Variants in SMAD9 observed in about 807,000 individuals in gnomAD.
SMAD9 encodes SMAD family member 9.
Under a neutral mutation model 46.1 loss-of-function variants are expected in SMAD9, and 36 were observed. The ratio of observed to expected loss-of-function variants is 0.78; its 90% CI spans 0.60 to 1.03. The LOEUF is 1.03. Ranked by LOEUF, SMAD9 falls within the 50% of genes least tolerant of loss-of-function variation. The pLI is 0.00. For synonymous variants in SMAD9, 245 were observed against 237.1 expected, an observed-to-expected ratio of 1.03 and a Z score of -0.31; for missense variants, 572 against 599.8, an observed-to-expected ratio of 0.95 and a Z score of 0.48.
At chr13:36,851,446 TC>T (rs1324710392) in intron 6 of SMAD9, among the ~76,000 whole-genome samples, 1 of 152,136 alleles carries the variant, frequency 6.6e-6, no homozygotes, top group Non-Finnish European at 1.5e-5. Flanking sequence ...GTGCTCCAAT[TC>T]CCTTCACCCT....
intron 1 of SMAD9, among the ~76,000 whole-genome samples, chr13:36,917,479 T>C (rs1394815950): frequency 6.6e-6 from 1 of 152,064 alleles, no homozygotes; most frequent in Non-Finnish European, 1.5e-5. Context: ...CAGCCTAGAA[T>C]TACAACTATT....
At chr13:36,912,098 A>G (rs2058666585) in intron 1 of SMAD9, among the ~76,000 whole-genome samples, 2 of 152,188 alleles carry the variant, frequency 1.3e-5, no homozygotes, top group African/African-American at 2.4e-5. Flanking sequence ...GGCCATTTAA[A>G]AGCATGCAAA....
intron 1 of SMAD9, among the ~76,000 whole-genome samples, chr13:36,908,102 G>C (rs1482545213): frequency 2.0e-5 from 3 of 152,160 alleles, no homozygotes; most frequent in African/African-American, 7.2e-5. Context: ...TGATGGTGGT[G>C]GTTTTGAGGG....
chr13:36,906,417 T>C (rs911792357), intron 1 of SMAD9, among the ~76,000 whole-genome samples: 3 of 152,082 alleles, frequency 2.0e-5, no homozygotes, highest in Non-Finnish European at 4.4e-5. Context: ...AATACCTCAC[T>C]AAAAACCATA....
At chr13:36,904,373 G>A (rs1030185910) in intron 1 of SMAD9, among the ~76,000 whole-genome samples, 3 of 152,130 alleles carry the variant, frequency 2.0e-5, no homozygotes, top group East Asian at 3.8e-4. Context: ...ATTGCACGGC[G>A]CTGGGATTTG....
At chr13:36,853,235 A>G (rs1025074676) in intron 6 of SMAD9, among the ~76,000 whole-genome samples, 184 bp downstream of exon 6, 1 of 152,218 alleles carries the variant, frequency 6.6e-6, no homozygotes, top group Non-Finnish European at 1.5e-5. Context: ...CAGTGAGCCA[A>G]GATCATGCCA....
Position 36,911,967 on chromosome 13 carries a change from C to T in SMAD9, c.-187+8149G>A, listed in dbSNP as rs112103372. ...AGGTTATCCGCCCACCTCAGCCTCC[C>T]GAAGTGCTGGGATTGCAGGTGTGAG... On this transcript the variant is annotated intron_variant, in intron 1 of 6. Coordinates refer to ENST00000379826, the MANE Select transcript of SMAD9 (RefSeq NM_001127217.3). Among the ~76,000 whole-genome samples the T allele has an allele frequency of 1.0e-3, 154 of 152,270 alleles. 1 individual carries two copies. The highest frequency in any genetic ancestry group is 3.4e-3 in the African/African-American group (140 of 41,552).
At chr13:36,878,979 T>C (rs527408131) in intron 2 of SMAD9, among the ~76,000 whole-genome samples, 8 of 152,332 alleles carry the variant, frequency 5.3e-5, no homozygotes, top group African/African-American at 1.9e-4. Flanking sequence ...GACTAGTTTA[T>C]CTTCATTCCT....
intron 3 of SMAD9, among the ~76,000 whole-genome samples, chr13:36,869,333 G>A (rs1163779126): frequency 6.6e-6 from 1 of 151,530 alleles, no homozygotes; most frequent in Non-Finnish European, 1.5e-5. Context: ...AGCGATTCTC[G>A]TGCCTCAGTC....
At chr13:36,850,275 A>C (rs1044828441) in intron 6 of SMAD9, among the ~76,000 whole-genome samples, 1 of 151,776 alleles carries the variant, frequency 6.6e-6, no homozygotes, top group Non-Finnish European at 1.5e-5. Context: ...TTACTACCTC[A>C]CTGGTTGGTC....
chr13:36,879,253 C>A (rs2058376925), intron 2 of SMAD9, 25 bp downstream of exon 2: 2 of 1,609,064 alleles, frequency 1.2e-6, no homozygotes, highest in Admixed American at 1.7e-5. Flanking sequence ...TGAAAATAAA[C>A]CTTGACGTCG....
chr13:36,888,311 G>A (rs565983985), intron 1 of SMAD9, among the ~76,000 whole-genome samples: 5 of 152,068 alleles, frequency 3.3e-5, no homozygotes, highest in South Asian at 2.1e-4. Context: ...TAAGTGTCTC[G>A]CACTTCCCCC....
In SMAD9 at chr13:36,849,275, T is replaced by TTC. The variant is rs10555873; in HGVS notation, c.1261-458_1261-457dup. 1.7e-3 allele frequency: 254 copies of TTC among 152,866 alleles called. 1 individual carries two copies. The highest frequency in any genetic ancestry group is 1.2e-3 in the Non-Finnish European group (82 of 69,192). 9.5% of individuals were successfully genotyped at this position (152,866 alleles called of 1,614,324 possible). A position where few individuals can be genotyped will look rare whatever the true frequency, so the allele number is the denominator to read the frequency against. On this transcript the variant is annotated intron_variant, in intron 6 of 6. Transcript: ENST00000379826. ...AGGGCTCATTATCAAAGCTTGCTTA[T>TTC]TCTCTCTCTCTCTCTCTCTCTAGTT...
rs549288164 is a variant in SMAD9 at position 36,864,468 on chromosome 13, C to T, written c.1003+1069G>A. ...ACCCTGCTTAGTTTGGTTAACAATG[C>T]TAACCCTTATGGATGACATATCTGG... On this transcript the variant is annotated intron_variant, in intron 5 of 6. Transcript: ENST00000379826. 1.6e-4 allele frequency among the ~76,000 whole-genome samples: 24 copies of T among 152,358 alleles called. No homozygotes were observed. In the South Asian group the frequency reaches 4.3e-3, roughly 28 times the overall value.
At chr13:36,872,580 C>T in intron 3 of SMAD9, 78 bp downstream of exon 3, 1 of 1,499,804 alleles carries the variant, frequency 6.7e-7, no homozygotes, top group Non-Finnish European at 9.3e-7. Context: ...CAATGACTGT[C>T]ATTGTGACTG....
intron 1 of SMAD9, among the ~76,000 whole-genome samples, chr13:36,917,607 C>T (rs79455160): frequency 0.044 from 6,728 of 152,224 alleles, 347 homozygotes; most frequent in East Asian, 0.18. Flanking sequence ...CTGCACTAAG[C>T]TTCGTTAAAG....
chr13:36,857,565 G>T lies in SMAD9; in HGVS notation c.1004-3890C>A, dbSNP rs151261385. Among the ~76,000 whole-genome samples the T allele has an allele frequency of 5.9e-3, 896 of 152,266 alleles. 6 individuals carry two copies. The highest frequency in any genetic ancestry group is 0.02 in the African/African-American group (816 of 41,544). On this transcript the variant is annotated intron_variant, in intron 5 of 6. Transcript: ENST00000379826. ...AGAACCTTGGGTTTAATTTGGGTTT[G>T]CTGGGTGGAACTACAATAGTGTGTC...
At position 36,879,538 on chromosome 13, in the gene SMAD9, G is replaced by A; in HGVS notation, c.152C>T (p.Ala51Val). The change falls in exon 2 of 7, where the codon GCC (alanine) becomes GTC (valine). Residue 51 changes from alanine to valine, a missense_variant. By Grantham distance (64) the Ala-to-Val change is moderately conservative (BLOSUM62 0). Transcript: ENST00000379826. ...LVKKLKKKKG[A>V]MDELERALSC... Reference sequence around the variant, plus strand: ...GAGAGCCCTCTCCAGCTCGTCCATGGCTCCCTTCTTCTTCTTTAACTTCTT... The same window carrying A: ...GAGAGCCCTCTCCAGCTCGTCCATGACTCCCTTCTTCTTCTTTAACTTCTT... 3 of 1,614,192 alleles carry A rather than the reference G, an allele frequency of 1.9e-6. No homozygotes were observed. Among genetic ancestry groups the A allele is most frequent in the Non-Finnish European group, 2.5e-6 (3 of 1,180,036 alleles).
chr13:36,896,766 A>ATTTC (rs5802844), intron 1 of SMAD9, among the ~76,000 whole-genome samples: 142,105 of 152,048 alleles, frequency 0.93, 66,558 homozygotes, highest in Middle Eastern at 0.98. Flanking sequence ...ATTTTTGTGT[A>ATTTC]TTTTTTCTAA....
Sources: gnomAD v4.1 joint callset for allele counts (sites outside exome capture counted in the v4.1 genomes callset) on GRCh38, gnomAD v4.1.1 for gene constraint, MANE v1.5 for transcripts, NCBI Gene and HGNC (gene_info 2026-07-23, HGNC 2026-07-21) for gene names.